Variants in TAB2 observed in about 807,000 individuals in gnomAD.
TAB2 encodes the protein TGF-beta activated kinase 1 (MAP3K7) binding protein 2.
A neutral mutation model predicts 65.0 loss-of-function variants in TAB2; 3 were observed. The ratio of observed to expected loss-of-function variants is 0.05; its 90% CI spans 0.02 to 0.12. The LOEUF is 0.12. Ranked by LOEUF, TAB2 falls within the 10% of genes least tolerant of loss-of-function variation. The pLI is 1.00. For missense variants in TAB2, 623 were observed against 840.3 expected, an observed-to-expected ratio of 0.74 and a Z score of 3.20; for synonymous variants, 298 against 285.1, an observed-to-expected ratio of 1.05 and a Z score of -0.46.
chr6:149,316,123 A>G, upstream of TAB2, among the ~76,000 whole-genome samples: 1 of 149,322 alleles, frequency 6.7e-6, no homozygotes, highest in Admixed American at 6.6e-5. Context: ...GTAAAGCGTT[A>G]AAGTTAATGA....
chr6:149,405,765 G>T (rs895897968), intron 6 of TAB2, among the ~76,000 whole-genome samples: 1 of 152,078 alleles, frequency 6.6e-6, no homozygotes, highest in African/African-American at 2.4e-5. Flanking sequence ...GGAAGATTGT[G>T]GTCGAAGGGG....
At chr6:149,294,021 A>T (rs1196155405) in intron 1 of TAB2, among the ~76,000 whole-genome samples, 1 of 152,224 alleles carries the variant, frequency 6.6e-6, no homozygotes, top group Non-Finnish European at 1.5e-5. Context: ...AGAGCTAAAA[A>T]AAACCCTAAG....
intron 3 of TAB2, among the ~76,000 whole-genome samples, chr6:149,386,228 ATATT>A (rs1781804379): frequency 6.6e-6 from 1 of 152,230 alleles, no homozygotes; most frequent in Non-Finnish European, 1.5e-5. Flanking sequence ...TTTCTTAAAT[ATATT>A]AAGTTACGTA....
At position 149,333,681 on chromosome 6, in the gene TAB2, C is replaced by T. The variant is rs1779847794; in HGVS notation, c.-90+15666C>T. ...TTAGGAGATTGGGTATTTTTAAAAC[C>T]ATATATTCTTTTATTTCCAGATCCA... On this transcript the variant is annotated intron_variant, in intron 1 of 6. Coordinates refer to ENST00000637181, the MANE Select transcript of TAB2 (RefSeq NM_001292034.3). Among the ~76,000 whole-genome samples, 4 of 149,660 alleles carry T rather than the reference C, an allele frequency of 2.7e-5. No homozygotes were observed. The South Asian group carries it at 8.5e-4, about 32-fold the overall frequency.
At chr6:149,293,539 G>A (rs1778817859) in intron 1 of TAB2, among the ~76,000 whole-genome samples, 1 of 152,210 alleles carries the variant, frequency 6.6e-6, no homozygotes, top group African/African-American at 2.4e-5. Flanking sequence ...CATTCCAATA[G>A]CATTTTCCGC....
chr6:149,396,109 C>G (rs1451509916), intron 3 of TAB2, among the ~76,000 whole-genome samples: 4 of 151,374 alleles, frequency 2.6e-5, no homozygotes, highest in Non-Finnish European at 5.9e-5. Flanking sequence ...CCTCTGCCTC[C>G]CGGGTTCAAG....
intron 3 of TAB2, among the ~76,000 whole-genome samples, chr6:149,389,692 ACTC>A (rs1166174942): frequency 6.6e-6 from 1 of 150,432 alleles, no homozygotes; most frequent in Non-Finnish European, 1.5e-5. Flanking sequence ...AGCCATAATC[ACTC>A]CCACGTCGCA....
intron 1 of TAB2, among the ~76,000 whole-genome samples, chr6:149,236,194 C>A (rs73781719): frequency 6.6e-6 from 1 of 152,072 alleles, no homozygotes. Context: ...ACACAATATA[C>A]GCATGCAAGA....
intron 1 of TAB2, among the ~76,000 whole-genome samples, chr6:149,273,474 AGT>A (rs1778401637): frequency 1.3e-5 from 2 of 152,194 alleles, no homozygotes; most frequent in Non-Finnish European, 2.9e-5. Flanking sequence ...CTGTCCACCA[AGT>A]GAGTGAACTC....
Position 149,362,261 on chromosome 6 carries a change from C to T in TAB2, c.-89-7648C>T, listed in dbSNP as rs143251469. Among the ~76,000 whole-genome samples the T allele has an allele frequency of 2.0e-3, 304 of 152,294 alleles. 3 individuals are homozygous for T. Among genetic ancestry groups the T allele is most frequent in the African/African-American group, 6.8e-3 (284 of 41,562 alleles). ...AATTCAGAATGAAAAGAGGTTTAAT[C>T]GGCTCATGGTTCTGCAGGCTGTACA... On this transcript the variant is annotated intron_variant, in intron 1 of 6. Coordinates refer to ENST00000637181, the MANE Select transcript of TAB2 (RefSeq NM_001292034.3).
chr6:149,403,313 T>TACACAC lies in TAB2; in HGVS notation c.1939+4133_1939+4138dup, dbSNP rs1242180541. Reference sequence around the variant, plus strand: ...ACACACACATATATATATATATATATACACACACATATATATACATATATA... The same window carrying TACACAC: ...ACACACACATATATATATATATATATACACACACACACACATATATATACATATATA... On this transcript the variant is annotated intron_variant, in intron 6 of 6. Transcript: ENST00000637181. Among the ~76,000 whole-genome samples the TACACAC allele has an allele frequency of 4.2e-4, 28 of 66,870 alleles. 2 individuals are homozygous for TACACAC. Among genetic ancestry groups the TACACAC allele is most frequent in the African/African-American group, 1.8e-3 (27 of 15,416 alleles). The allele number at this position is 66,870 out of a possible 152,430, so 43.9% of individuals were successfully genotyped here.
At chr6:149,310,067 C>T (rs1180447318) in intron 1 of TAB2, among the ~76,000 whole-genome samples, 1 of 146,662 alleles carries the variant, frequency 6.8e-6, no homozygotes, top group African/African-American at 2.6e-5. Flanking sequence ...CGCAGTGCCT[C>T]ATGCCTGAAA....
chr6:149,335,629 C>G (rs1275985055), intron 1 of TAB2, among the ~76,000 whole-genome samples: 2 of 152,108 alleles, frequency 1.3e-5, no homozygotes, highest in Non-Finnish European at 2.9e-5. Flanking sequence ...TTGCTTTGGT[C>G]TCCCAAAGTG....
chr6:149,367,686 G>T (rs1309185390), intron 1 of TAB2, among the ~76,000 whole-genome samples: 1 of 152,172 alleles, frequency 6.6e-6, no homozygotes, highest in East Asian at 1.9e-4. Context: ...GATGAATTAT[G>T]ATGGTGGCTT....
chr6:149,393,403 C>A (rs560088333), intron 3 of TAB2, among the ~76,000 whole-genome samples: 6 of 152,204 alleles, frequency 3.9e-5, no homozygotes, highest in Admixed American at 2.6e-4. Context: ...ATTGCAAAAC[C>A]CCTTTGTGAA....
rs542242437 is a variant in TAB2 at position 149,289,897 on chromosome 6, C to T, written c.-121+71121C>T. Reference sequence around the variant, plus strand: ...CAACTGGAAACATGTGGGGTGTGGGCGTGGGGGGCACAGTGGCAGCAGGGA... The same window carrying T: ...CAACTGGAAACATGTGGGGTGTGGGTGTGGGGGGCACAGTGGCAGCAGGGA... On this transcript the variant is annotated intron_variant, in intron 1 of 1. Transcript: ENST00000606202. 3.3e-5 allele frequency among the ~76,000 whole-genome samples: 5 copies of T among 152,018 alleles called. No homozygotes were observed. In the East Asian group the frequency reaches 5.8e-4, roughly 18 times the overall value.
intron 3 of TAB2, among the ~76,000 whole-genome samples, chr6:149,388,603 C>A (rs1392836316): frequency 6.6e-6 from 1 of 152,152 alleles, no homozygotes; most frequent in Non-Finnish European, 1.5e-5. Context: ...ATTATCTAGT[C>A]AGTTTAATAG....
chr6:149,253,226 G>A (rs1777896083), intron 1 of TAB2: 1 of 152,248 alleles, frequency 6.6e-6, no homozygotes, highest in Non-Finnish European at 1.5e-5. Context: ...AAACATAAAA[G>A]AGATTTGCTG....
At chr6:149,300,567 C>A (rs577336028) in intron 1 of TAB2, among the ~76,000 whole-genome samples, 1 of 152,210 alleles carries the variant, frequency 6.6e-6, no homozygotes, top group Non-Finnish European at 1.5e-5. Flanking sequence ...TTCCTTCAGC[C>A]TTTTCCTGAT....
Sources: gnomAD v4.1 joint callset for allele counts (sites outside exome capture counted in the v4.1 genomes callset) on GRCh38, gnomAD v4.1.1 for gene constraint, MANE v1.5 for transcripts, NCBI Gene and HGNC (gene_info 2026-07-23, HGNC 2026-07-21) for gene names.